The following MEIKIN variants were observed in gnomAD, a reference collection of about 807,000 sequenced individuals.
The protein encoded by MEIKIN is meiotic kinetochore factor, also known as meiosis-specific kinetochore protein.
At chr5:131,813,186 C>T (rs1332424734) in intron 12 of MEIKIN, among the ~76,000 whole-genome samples, 1 of 152,184 alleles carries the variant, frequency 6.6e-6, no homozygotes, top group Non-Finnish European at 1.5e-5. Context: ...CTGAAGATGA[C>T]ATGAGGAGTT....
At chr5:131,884,357 C>T (rs1473192872) in intron 8 of MEIKIN, among the ~76,000 whole-genome samples, 1 of 152,120 alleles carries the variant, frequency 6.6e-6, no homozygotes, top group Non-Finnish European at 1.5e-5. Context: ...ACCAGCTCAG[C>T]CACAGCAGGG....
intron 6 of MEIKIN, among the ~76,000 whole-genome samples, chr5:131,919,533 T>C (rs1751470975): frequency 1.3e-5 from 2 of 152,122 alleles, no homozygotes; most frequent in Admixed American, 6.6e-5. Context: ...CAGAGTGGAG[T>C]ACTATGCAGC....
intron 11 of MEIKIN, among the ~76,000 whole-genome samples, chr5:131,829,932 T>G (rs112046348): frequency 2.6e-5 from 4 of 152,342 alleles, no homozygotes; most frequent in African/African-American, 9.6e-5. Context: ...ATAATAGATT[T>G]CTGTTGTTTT....
At chr5:131,827,377 C>T (rs572008513) in intron 11 of MEIKIN, among the ~76,000 whole-genome samples, 1 of 152,004 alleles carries the variant, frequency 6.6e-6, no homozygotes, top group Admixed American at 6.6e-5. Flanking sequence ...ATTATGATCA[C>T]AGAAATAAGT....
At chr5:131,941,011 G>A (rs1009239416) in intron 4 of MEIKIN, among the ~76,000 whole-genome samples, 6 of 151,890 alleles carry the variant, frequency 4.0e-5, no homozygotes, top group African/African-American at 1.5e-4. Context: ...TAATTATCAG[G>A]GTTTTCTCCT....
At chr5:131,857,865 C>T (rs577670064) in intron 9 of MEIKIN, among the ~76,000 whole-genome samples, 76 of 152,344 alleles carry the variant, frequency 5.0e-4, no homozygotes, top group African/African-American at 1.8e-3. Flanking sequence ...ACCCTGCCAC[C>T]GCTAATGTGC....
intron 9 of MEIKIN, among the ~76,000 whole-genome samples, chr5:131,876,973 A>C (rs1474684854): frequency 7.5e-6 from 1 of 133,464 alleles, no homozygotes; most frequent in Non-Finnish European, 1.6e-5. Flanking sequence ...AGGAAGGGGA[A>C]CATCACACAC....
rs199859322 is a variant in MEIKIN at position 131,933,655 on chromosome 5, GA to G, written c.350-15del. On this transcript the variant is annotated splice_polypyrimidine_tract_variant and intron_variant, in intron 4 of 12. Coordinates refer to ENST00000442687, the MANE Select transcript of MEIKIN (RefSeq NM_001303622.2). ...GCAAACTTAATCCTGTAGAATAAAG[GA>G]AAAAAAAATTGATAAATCTTTTGAT... 1.4e-3 allele frequency: 548 copies of G among 393,442 alleles called. 2 individuals are homozygous for G. Among genetic ancestry groups the G allele is most frequent in the East Asian group, 7.5e-3 (208 of 27,744 alleles). The allele number at this position is 393,442 out of a possible 1,614,324, so 24.4% of individuals were successfully genotyped here. A position where few individuals can be genotyped will look rare whatever the true frequency, so the allele number is the denominator to read the frequency against.
intron 8 of MEIKIN, among the ~76,000 whole-genome samples, chr5:131,905,162 A>C (rs1479474149): frequency 1.3e-5 from 2 of 152,162 alleles, no homozygotes; most frequent in Non-Finnish European, 1.5e-5. Flanking sequence ...CCATACAATT[A>C]AATGGAAATT....
rs971512971 is a variant in MEIKIN, at chr5:131,945,421, C to A, written c.85G>T (p.Ala29Ser). Residue 29 changes from alanine (A) to serine (S), a missense_variant, in exon 1 of 13, where the codon GCG becomes TCG. Coordinates refer to ENST00000442687, the MANE Select transcript of MEIKIN (RefSeq NM_001303622.2). ...LTPTPDLGSP[A>S]KAEAPPGSKR... is the part of the protein sequence containing the mutation. ...GTACCTGGCGGGGCCTCGGCCTTCG[C>A]TGGAGAGCCTAGGTCTGGCGTCGGG... 16 of 399,124 alleles carry A rather than the reference C, an allele frequency of 4.0e-5. No individual in the cohort carries two copies. The highest frequency in any genetic ancestry group is 6.2e-5 in the African/African-American group (3 of 48,650). The allele number at this position is 399,124 out of a possible 1,614,324, so 24.7% of individuals were successfully genotyped here. A position where few individuals can be genotyped will look rare whatever the true frequency, so the allele number is the denominator to read the frequency against.
chr5:131,849,187 C>T (rs1301146141), intron 11 of MEIKIN, among the ~76,000 whole-genome samples: 4 of 152,018 alleles, frequency 2.6e-5, no homozygotes, highest in Non-Finnish European at 5.9e-5. Context: ...TGGTACTTCA[C>T]AGGGGTGGTC....
intron 12 of MEIKIN, among the ~76,000 whole-genome samples, chr5:131,813,529 C>T (rs1328166104): frequency 6.6e-6 from 1 of 151,746 alleles, no homozygotes; most frequent in Non-Finnish European, 1.5e-5. Context: ...CGGGTTCACG[C>T]CATTCTCCTG....
intron 11 of MEIKIN, among the ~76,000 whole-genome samples, chr5:131,845,933 G>T (rs1204620954): frequency 1.3e-5 from 2 of 152,070 alleles, no homozygotes; most frequent in Admixed American, 6.6e-5. Context: ...CATCTAAGAA[G>T]CTCAACAAAC....
intron 11 of MEIKIN, among the ~76,000 whole-genome samples, chr5:131,837,815 T>A (rs918074996): frequency 6.6e-6 from 1 of 152,136 alleles, no homozygotes; most frequent in Admixed American, 6.6e-5. Flanking sequence ...AGGAATAGTT[T>A]AACATCCTGT....
Position 131,807,076 on chromosome 5 carries a change from C to A in MEIKIN, c.*160G>T, listed in dbSNP as rs1186287936. 2.0e-5 allele frequency: 8 copies of A among 391,052 alleles called. No individual in the cohort carries two copies. The East Asian group carries it at 2.9e-4, about 14-fold the overall frequency. 24.2% of individuals were successfully genotyped at this position (391,052 alleles called of 1,614,324 possible). On this transcript the variant is annotated 3_prime_UTR_variant, in exon 13 of 13. Transcript: ENST00000442687. The stretch of plus-strand genomic sequence containing the variant: ...TTCTTAACTGATTAAAAGTAAATGA[C>A]AAGAACCTCAGTAGAATTTCAACAT...
intron 8 of MEIKIN, among the ~76,000 whole-genome samples, chr5:131,886,684 C>A (rs893983473): frequency 3.3e-5 from 5 of 152,020 alleles, no homozygotes; most frequent in Admixed American, 2.6e-4. Flanking sequence ...AAGAAAAGGA[C>A]ATGAATGAGC....
rs188537937 is a variant in MEIKIN at position 131,919,342 on chromosome 5, C to T, written c.599-2417G>A. Among the ~76,000 whole-genome samples the T allele has an allele frequency of 1.2e-3, 190 of 152,278 alleles. 1 individual carries two copies. Among genetic ancestry groups the T allele is most frequent in the African/African-American group, 4.4e-3 (182 of 41,554 alleles). On this transcript the variant is annotated intron_variant, in intron 6 of 12. Transcript: ENST00000442687. ...GCAATATCCAATAAAATGATATATG[C>T]ACTTACCTTTTGACCCAGCTATCCT...
At chr5:131,915,439 C>T (rs1436063607) in intron 7 of MEIKIN, among the ~76,000 whole-genome samples, 2 of 152,172 alleles carry the variant, frequency 1.3e-5, no homozygotes, top group East Asian at 3.8e-4. Flanking sequence ...CAACCTTACC[C>T]TTTCCCCAGC....
chr5:131,869,745 G>A (rs571940240), intron 9 of MEIKIN, among the ~76,000 whole-genome samples: 25 of 152,238 alleles, frequency 1.6e-4, no homozygotes, highest in African/African-American at 3.1e-4. Flanking sequence ...GACCACCTAC[G>A]ACTCTCAGAT....
Sources: allele counts gnomAD v4.1 joint callset (sites outside exome capture counted in the v4.1 genomes callset), GRCh38; gene constraint gnomAD v4.1.1; transcripts MANE v1.5; gene names NCBI Gene and HGNC (gene_info 2026-07-23, HGNC 2026-07-21).